The following TCL1B variants were observed in gnomAD, a reference collection of about 807,000 sequenced individuals.
The protein encoded by TCL1B is T-cell leukemia/lymphoma protein 1B.
In TCL1B, 14 loss-of-function variants were observed where a neutral mutation model predicts 16.9. The observed-to-expected ratio is 0.83, with a 90% CI of 0.55 to 1.30. The LOEUF (loss-of-function observed/expected upper bound fraction) is 1.30, where lower values mean the gene tolerates loss of function less well. Ranked by LOEUF, TCL1B falls within the 50% of genes most tolerant of loss-of-function variation. TCL1B has a pLI of 0.00. For missense variants in TCL1B, 166 were observed against 165.2 expected, an observed-to-expected ratio of 1.00 and a Z score of -0.03; for synonymous variants, 79 against 66.6, an observed-to-expected ratio of 1.19 and a Z score of -0.91.
chr14:95,688,900 C>T (rs142999531), intron 1 of TCL1B, among the ~76,000 whole-genome samples: 3 of 152,258 alleles, frequency 2.0e-5, no homozygotes, highest in Non-Finnish European at 4.4e-5. Context: ...GTAACAGGTA[C>T]GGAGTCTCAG....
intron 1 of TCL1B, among the ~76,000 whole-genome samples, chr14:95,687,734 C>T (rs1244148306): frequency 6.6e-6 from 1 of 152,018 alleles, no homozygotes; most frequent in Non-Finnish European, 1.5e-5. Flanking sequence ...GGGCTTATCA[C>T]GAGATCAGGA....
In TCL1B at chr14:95,686,507, G is replaced by A. The variant is rs1319401523; in HGVS notation, c.40G>A (p.Gly14Ser). The A allele has an allele frequency of 1.2e-6, 2 of 1,613,062 alleles. No individual in the cohort carries two copies. The highest frequency in any genetic ancestry group is 2.2e-5 in the South Asian group (2 of 90,990). Residue 14 changes from glycine to serine, a missense_variant, in exon 1 of 4, where the codon GGC (glycine) becomes AGC (serine). Gly to Ser is a moderately conservative substitution (Grantham distance 56, BLOSUM62 0). Coordinates refer to ENST00000340722, the MANE Select transcript of TCL1B (RefSeq NM_004918.4). ...TTCTGTGCGTCTAGGGGTGCCCCCT[G>A]GCCGTCTGTGGATCCAGAGGCCTGG... Reference protein sequence around the residue: ...EASVRLGVPPGRLWIQRPGIY... With the variant: ...EASVRLGVPPSRLWIQRPGIY...
Position 95,691,269 on chromosome 14 carries a change from T to A in TCL1B, c.335T>A (p.Ile112Asn), listed in dbSNP as rs776313009. 25 of 1,613,604 alleles carry A rather than the reference T, an allele frequency of 1.5e-5. No individual in the cohort carries two copies. The highest frequency in any genetic ancestry group is 2.1e-5 in the Non-Finnish European group (25 of 1,179,950). ...SFWEIADHGQ[I>N]DSMEQLVLTY... ...TGATGGCTGCTCCCTCTCCTGCAGA[T>A]TGACTCTATGGAGCAGCTGGTCCTA... is the stretch of plus-strand genomic sequence containing the variant. The change falls in exon 3 of 4, where the codon ATT becomes AAT. Residue 112 changes from isoleucine to asparagine, a missense_variant and splice_region_variant. Physicochemically the swap from Ile to Asn is moderately radical, Grantham distance 149 (BLOSUM62 -3). Coordinates refer to ENST00000340722, the MANE Select transcript of TCL1B (RefSeq NM_004918.4).
chr14:95,691,489 T>C, intron 3 of TCL1B, 153 bp downstream of exon 3: 1 of 649,678 alleles, frequency 1.5e-6, no homozygotes. Flanking sequence ...CCCAGCCCCT[T>C]GGATGTGATG....
chr14:95,688,761 A>C (rs1245268208), intron 1 of TCL1B, among the ~76,000 whole-genome samples: 5 of 152,200 alleles, frequency 3.3e-5, no homozygotes, highest in Non-Finnish European at 5.9e-5. Context: ...GAGCCATTAT[A>C]CTAAATGAAA....
chr14:95,689,257 A>T (rs1043787525), intron 1 of TCL1B: 6 of 152,168 alleles, frequency 3.9e-5, no homozygotes, highest in Admixed American at 1.3e-4. Context: ...ACTGCACTCC[A>T]GCCTGGGCGA....
chr14:95,690,846 C>T lies in TCL1B; in HGVS notation c.273C>T (p.Tyr91=), dbSNP rs1198416287. Residue 91 remains tyrosine, a synonymous_variant, in exon 2 of 4, where the codon TAC becomes TAT. Transcript: ENST00000340722. ...FSQLPAVWQL[Y]PGRKYRAADS... is the part of the protein sequence containing the mutation. Reference sequence around the variant, plus strand: ...AGCTGCCCGCCGTGTGGCAGCTCTACCCCGGGAGGAAGTACCGAGCAGCGG... The same window carrying T: ...AGCTGCCCGCCGTGTGGCAGCTCTATCCCGGGAGGAAGTACCGAGCAGCGG... The T allele has an allele frequency of 6.2e-7, 1 of 1,614,152 alleles. No individual in the cohort carries two copies.
At chr14:95,686,748 G>A in intron 1 of TCL1B, 119 bp downstream of exon 1, 1 of 1,272,288 alleles carries the variant, frequency 7.9e-7, no homozygotes, top group Non-Finnish European at 1.1e-6. Flanking sequence ...ACTCACTTCT[G>A]TGCAGGTCTA....
At chr14:95,691,046 T>A in intron 2 of TCL1B, 140 bp downstream of exon 2, 1 of 1,154,226 alleles carries the variant, frequency 8.7e-7, no homozygotes, top group Non-Finnish European at 1.2e-6. Context: ...CAAGGAGGCC[T>A]GAGTGTGTGT....
intron 1 of TCL1B, among the ~76,000 whole-genome samples, chr14:95,687,779 C>T (rs1194842150): frequency 6.6e-6 from 1 of 151,898 alleles, no homozygotes; most frequent in Non-Finnish European, 1.5e-5. Flanking sequence ...GGGGAAACCC[C>T]GTCTCTACTA....
chr14:95,689,835 G>C (rs1429517024), intron 1 of TCL1B, among the ~76,000 whole-genome samples: 1 of 152,186 alleles, frequency 6.6e-6, no homozygotes, highest in Non-Finnish European at 1.5e-5. Context: ...CTGATTGATA[G>C]AGCACTAATA....
In TCL1B at chr14:95,692,291, C is replaced by G. The variant is rs1316788190; in HGVS notation, c.*376C>G. On this transcript the variant is annotated 3_prime_UTR_variant, in exon 4 of 4. Coordinates refer to ENST00000340722, the MANE Select transcript of TCL1B (RefSeq NM_004918.4). ...ATACCCACCAGGATGTGTGCCCAGC[C>G]AGGCCTCCAGCACCCCCAGTGCAGC... 82 of 152,526 alleles carry G rather than the reference C, an allele frequency of 5.4e-4. 1 individual carries two copies. Among genetic ancestry groups the G allele is most frequent in the Admixed American group, 5.3e-3 (81 of 15,276 alleles). The allele number at this position is 152,526 out of a possible 1,614,324, so 9.4% of individuals were successfully genotyped here.
At position 95,692,428 on chromosome 14, in the gene TCL1B, A is replaced by G. The variant is rs1423456572; in HGVS notation, c.*513A>G. On this transcript the variant is annotated 3_prime_UTR_variant, in exon 4 of 4. Coordinates refer to ENST00000340722, the MANE Select transcript of TCL1B (RefSeq NM_004918.4). ...TGCCCTGTGGGTATCAGTTCTGCTG[A>G]CACTTTGGCCCGAAATAGATCCAGT... is the stretch of plus-strand genomic sequence containing the variant. 1 of 152,324 alleles carries G rather than the reference A, an allele frequency of 6.6e-6. No homozygotes were observed. Among genetic ancestry groups the G allele is most frequent in the Non-Finnish European group, 1.5e-5 (1 of 68,168 alleles). The allele number at this position is 152,324 out of a possible 1,614,324, so 9.4% of individuals were successfully genotyped here. A position where few individuals can be genotyped will look rare whatever the true frequency, so the allele number is the denominator to read the frequency against.
chr14:95,688,569 T>C (rs754835131), intron 1 of TCL1B, among the ~76,000 whole-genome samples: 3 of 152,170 alleles, frequency 2.0e-5, no homozygotes, highest in Non-Finnish European at 4.4e-5. Flanking sequence ...CTTCTGGATA[T>C]ATACCCACAA....
intron 1 of TCL1B, chr14:95,688,108 G>A (rs574936672): frequency 2.0e-5 from 3 of 152,102 alleles, no homozygotes; most frequent in Admixed American, 1.3e-4. Context: ...TGATTCTCAT[G>A]CCTCAGCCTC....
intron 1 of TCL1B, among the ~76,000 whole-genome samples, chr14:95,689,715 TAC>T (rs1233891288): frequency 5.3e-5 from 8 of 152,244 alleles, no homozygotes; most frequent in Non-Finnish European, 8.8e-5. Context: ...ACAGTCAGAA[TAC>T]ACAGAGAAGG....
At chr14:95,686,717 C>G in intron 1 of TCL1B, 88 bp downstream of exon 1, 1 of 1,416,548 alleles carries the variant, frequency 7.1e-7, no homozygotes, top group Non-Finnish European at 9.4e-7. Flanking sequence ...CAGAGGGGGC[C>G]GTTCTCACCC....
intron 1 of TCL1B, among the ~76,000 whole-genome samples, chr14:95,690,095 C>A (rs1212455155): frequency 6.6e-6 from 1 of 152,214 alleles, no homozygotes; most frequent in East Asian, 1.9e-4. Flanking sequence ...CTCTACCTCC[C>A]AGGTTCAAGA....
chr14:95,690,742 C>G lies in TCL1B; in HGVS notation c.169C>G (p.Pro57Ala). Residue 57 changes from proline (P) to alanine (A), a missense_variant, in exon 2 of 4, where the codon CCC (proline) becomes GCC (alanine). Coordinates refer to ENST00000340722, the MANE Select transcript of TCL1B (RefSeq NM_004918.4). ...ARASQGSRYE[P>A]SITVHLWQMA... ...TCTTTTCTGGTCCCTTCAGTATGAACCCAGCATCACAGTGCACTTGTGGCA... is the reference window on the plus strand; with the variant it reads ...TCTTTTCTGGTCCCTTCAGTATGAAGCCAGCATCACAGTGCACTTGTGGCA... The G allele has an allele frequency of 6.2e-7, 1 of 1,611,894 alleles. No homozygotes were observed.
Sources: allele counts gnomAD v4.1 joint callset (sites outside exome capture counted in the v4.1 genomes callset), GRCh38; gene constraint gnomAD v4.1.1; transcripts MANE v1.5; gene names NCBI Gene and HGNC (gene_info 2026-07-23, HGNC 2026-07-21).